The following CSMD3 variants were observed in gnomAD, a reference collection of about 807,000 sequenced individuals.
CSMD3 encodes the protein CUB and sushi domain-containing protein 3.
Under a neutral mutation model 435.2 loss-of-function variants are expected in CSMD3, and 177 were observed. The ratio of observed to expected loss-of-function variants is 0.41; its 90% confidence interval spans 0.36 to 0.46. CSMD3 has a LOEUF of 0.46. Among genes scored for constraint, CSMD3 ranks in the 20% least tolerant of loss-of-function variants. The pLI, the probability that CSMD3 is intolerant of heterozygous loss-of-function variation, is 0.34. For synonymous variants in CSMD3, 1,656 were observed against 1,520.5 expected (o/e 1.09, Z -2.07); for missense variants, 4,265 against 4,504.6 (o/e 0.95, Z 1.52).
At chr8:113,382,610 T>C (rs2094421308) in intron 1 of CSMD3, among the ~76,000 whole-genome samples, 1 of 152,180 alleles carries the variant, frequency 6.6e-6, no homozygotes, top group South Asian at 2.1e-4. Flanking sequence ...GGAAATCCTG[T>C]GAGTCTATAT....
intron 17 of CSMD3, among the ~76,000 whole-genome samples, chr8:112,665,151 T>G (rs1368245866): frequency 6.6e-6 from 1 of 152,188 alleles, no homozygotes; most frequent in Admixed American, 6.6e-5. Context: ...AGATCATATC[T>G]ATATAAGTCA....
intron 18 of CSMD3, among the ~76,000 whole-genome samples, chr8:112,653,938 G>A (rs1319055069): frequency 4.6e-5 from 7 of 152,030 alleles, no homozygotes; most frequent in Non-Finnish European, 7.4e-5. Context: ...GATTACAGGC[G>A]TGAGCCACCG....
At chr8:112,251,225 T>A (rs1291894884) in intron 63 of CSMD3, among the ~76,000 whole-genome samples, 1 of 151,774 alleles carries the variant, frequency 6.6e-6, no homozygotes, top group Non-Finnish European at 1.5e-5. Context: ...CAATATATAT[T>A]TTTAAAAATA....
At chr8:112,792,479 C>T (rs1413682208) in intron 13 of CSMD3, among the ~76,000 whole-genome samples, 2 of 152,096 alleles carry the variant, frequency 1.3e-5, no homozygotes, top group Non-Finnish European at 2.9e-5. Flanking sequence ...CTCATCTAAA[C>T]CTAATTCTTT....
chr8:112,321,154 T>C (rs1822965149), intron 45 of CSMD3, among the ~76,000 whole-genome samples: 1 of 152,144 alleles, frequency 6.6e-6, no homozygotes, highest in Admixed American at 6.6e-5. Flanking sequence ...TTATAACATC[T>C]GAGGCAAATT....
chr8:113,306,299 T>G (rs1806038374), intron 2 of CSMD3, among the ~76,000 whole-genome samples: 1 of 152,030 alleles, frequency 6.6e-6, no homozygotes, highest in African/African-American at 2.4e-5. Context: ...TACACAAGGG[T>G]TGGTTCCAAC....
chr8:112,887,712 T>C (rs1041886438), intron 10 of CSMD3, among the ~76,000 whole-genome samples: 19 of 148,156 alleles, frequency 1.3e-4, no homozygotes, highest in Admixed American at 7.6e-4. Context: ...GGTTGATTAC[T>C]TAAACTATTT....
At position 112,636,896 on chromosome 8, in the gene CSMD3, A is replaced by G; in HGVS notation, c.3636T>C (p.Tyr1212=). 1 of 1,613,428 alleles carries G rather than the reference A, an allele frequency of 6.2e-7. No homozygotes were observed. The highest frequency in any genetic ancestry group is 8.5e-7 in the Non-Finnish European group (1 of 1,179,714). The part of the protein sequence containing the change: ...DTLTFSCSSG[Y]RLEGTSEIIC... ...TGATCTCTGATGTTCCTTCCAGTCG[A>G]TAACCCGAAGAGCATGAGAAGGTCA... is the stretch of plus-strand genomic sequence containing the variant. The change falls in exon 22 of 71, where the codon TAT becomes TAC. Residue 1212 remains tyrosine (Y), a synonymous_variant. Coordinates refer to ENST00000297405, the MANE Select transcript of CSMD3 (RefSeq NM_198123.2).
intron 13 of CSMD3, among the ~76,000 whole-genome samples, chr8:112,699,051 A>G (rs1269082691): frequency 6.6e-6 from 1 of 152,264 alleles, no homozygotes. Flanking sequence ...TGGACCAATC[A>G]GCAGGATGTG....
At chr8:113,161,430 T>C (rs1255776802) in intron 4 of CSMD3, among the ~76,000 whole-genome samples, 3 of 152,106 alleles carry the variant, frequency 2.0e-5, no homozygotes, top group Non-Finnish European at 4.4e-5. Context: ...TGATAAGTTT[T>C]TAGAAATGTA....
intron 35 of CSMD3, among the ~76,000 whole-genome samples, chr8:112,404,932 T>A (rs924634185): frequency 6.6e-6 from 1 of 151,202 alleles, no homozygotes; most frequent in Non-Finnish European, 1.5e-5. Flanking sequence ...AATCCCAGCA[T>A]TCTGGGAGGC....
chr8:113,230,312 T>A (rs1343900039), intron 3 of CSMD3, among the ~76,000 whole-genome samples: 1 of 151,678 alleles, frequency 6.6e-6, no homozygotes, highest in Non-Finnish European at 1.5e-5. Flanking sequence ...CTTGTAGAAT[T>A]ATGGGATTGA....
intron 53 of CSMD3, among the ~76,000 whole-genome samples, chr8:112,298,086 A>C (rs73700900): frequency 6.8e-6 from 1 of 148,072 alleles, no homozygotes; most frequent in African/African-American, 2.5e-5. Flanking sequence ...AAAAAAAAAA[A>C]AAAATAAGTA....
At chr8:112,659,933 T>C (rs926773617) in intron 17 of CSMD3, among the ~76,000 whole-genome samples, 3 of 152,136 alleles carry the variant, frequency 2.0e-5, no homozygotes, top group African/African-American at 7.2e-5. Context: ...ATTTTCTCCA[T>C]TTGAGAATAT....
intron 3 of CSMD3, among the ~76,000 whole-genome samples, chr8:113,248,462 GTGTGTGATATATA>G (rs2093299442): frequency 5.4e-3 from 1 of 184 alleles, no homozygotes; most frequent in Non-Finnish European, 0.012. Flanking sequence ...ATATATGTGT[GTGTGTGATATATA>G]TGTATATATA....
rs923048760 is a variant in CSMD3, at chr8:112,960,184, CT to C, written c.1343-5424del. On this transcript the variant is annotated intron_variant, in intron 7 of 70. Transcript: ENST00000297405. ...GAAGTCAGCAAGTACAAAAATTTAA[CT>C]TTTTTTTTTTTCTACATCCTGTACT... 1.7e-3 allele frequency among the ~76,000 whole-genome samples: 248 copies of C among 145,776 alleles called. 1 individual carries two copies. Among genetic ancestry groups the C allele is most frequent in the Non-Finnish European group, 1.8e-3 (119 of 65,708 alleles).
At chr8:113,339,644 T>C (rs1220872425) in intron 1 of CSMD3, among the ~76,000 whole-genome samples, 1 of 152,008 alleles carries the variant, frequency 6.6e-6, no homozygotes, top group Non-Finnish European at 1.5e-5. Context: ...GTCCAATTTT[T>C]TCATTGTGTT....
At chr8:113,241,776 TA>T (rs2093220663) in intron 3 of CSMD3, among the ~76,000 whole-genome samples, 1 of 151,638 alleles carries the variant, frequency 6.6e-6, no homozygotes, top group Non-Finnish European at 1.5e-5. Context: ...AAAAGAAAAA[TA>T]AAATTTGAGT....
intron 38 of CSMD3, among the ~76,000 whole-genome samples, chr8:112,371,265 A>C (rs1828364931): frequency 6.6e-6 from 1 of 152,196 alleles, no homozygotes; most frequent in Admixed American, 6.5e-5. Context: ...TCTCCTTAAA[A>C]TATTGTTAGA....
Sources: gnomAD v4.1 joint callset for allele counts (sites outside exome capture counted in the v4.1 genomes callset) on GRCh38, gnomAD v4.1.1 for gene constraint, MANE v1.5 for transcripts, NCBI Gene and HGNC (gene_info 2026-07-23, HGNC 2026-07-21) for gene names.